KCND3: variants seen among roughly 807,000 people sequenced by gnomAD.
KCND3 encodes A-type voltage-gated potassium channel KCND3.
In KCND3, 9 loss-of-function variants were observed where a neutral mutation model predicts 51.1. That is an observed-to-expected ratio of 0.18 (90% CI 0.11 to 0.31). The LOEUF (loss-of-function observed/expected upper bound fraction) is 0.31, where lower values mean the gene tolerates loss of function less well. Among genes scored for constraint, KCND3 ranks in the 10% least tolerant of loss-of-function variants. The pLI, the probability that KCND3 is intolerant of heterozygous loss-of-function variation, is 1.00. For missense variants in KCND3, 526 were observed against 903.8 expected, an observed-to-expected ratio of 0.58 and a Z score of 5.36; for synonymous variants, 349 against 368.0, an observed-to-expected ratio of 0.95 and a Z score of 0.59.
intron 2 of KCND3, among the ~76,000 whole-genome samples, chr1:111,971,826 A>G (rs1674345236): frequency 6.6e-6 from 1 of 152,076 alleles, no homozygotes. Flanking sequence ...ACCTCTACTC[A>G]TCCAGTCTTA....
intron 2 of KCND3, among the ~76,000 whole-genome samples, chr1:111,936,232 C>T (rs1672213945): frequency 6.6e-6 from 1 of 152,148 alleles, no homozygotes; most frequent in African/African-American, 2.4e-5. Flanking sequence ...AGGCTGGTCC[C>T]AGCTCAGACA....
intron 2 of KCND3, among the ~76,000 whole-genome samples, chr1:111,931,805 C>T (rs953783768): frequency 2.6e-5 from 4 of 152,346 alleles, no homozygotes; most frequent in African/African-American, 9.6e-5. Context: ...GAGATAATAG[C>T]TCCCTTTTCC....
chr1:111,924,899 C>T (rs551664062), intron 2 of KCND3, among the ~76,000 whole-genome samples: 33 of 152,370 alleles, frequency 2.2e-4, no homozygotes, highest in African/African-American at 7.9e-4. Flanking sequence ...GCATGTGTAT[C>T]CACTCTGTAA....
chr1:111,916,105 C>A (rs1001374419), intron 2 of KCND3, among the ~76,000 whole-genome samples: 1 of 152,144 alleles, frequency 6.6e-6, no homozygotes, highest in Non-Finnish European at 1.5e-5. Flanking sequence ...AACACTCGAA[C>A]CAACAACAGC....
chr1:111,820,076 G>A (rs1666278740), intron 2 of KCND3, among the ~76,000 whole-genome samples: 1 of 152,166 alleles, frequency 6.6e-6, no homozygotes, highest in Admixed American at 6.5e-5. Flanking sequence ...TGAATTAAAT[G>A]CCAACTCCTC....
intron 2 of KCND3, among the ~76,000 whole-genome samples, chr1:111,866,623 C>T (rs943678859): frequency 1.3e-5 from 2 of 150,668 alleles, no homozygotes; most frequent in South Asian, 2.1e-4. Flanking sequence ...CACACACACA[C>T]GGCTGAGAAG....
intron 2 of KCND3, among the ~76,000 whole-genome samples, chr1:111,803,382 A>G (rs779275034): frequency 1.3e-5 from 2 of 152,100 alleles, no homozygotes; most frequent in African/African-American, 2.4e-5. Context: ...TCAGATCCCC[A>G]TGTCTTAGCT....
In KCND3 at chr1:111,817,184, C is replaced by T. The variant is rs1301068022; in HGVS notation, c.1107-30078G>A. ...GAAAAATATCTAATTTCACTAGTTA[C>T]TAAAAAAAAAAAAAATGAAGTGGGG... On this transcript the variant is annotated intron_variant, in intron 2 of 7. Transcript: ENST00000302127. 1.7e-4 allele frequency among the ~76,000 whole-genome samples: 13 copies of T among 78,650 alleles called. No individual in the cohort carries two copies. In the South Asian group the frequency reaches 2.4e-3, roughly 15 times the overall value. The allele number at this position is 78,650 out of a possible 152,430, so 51.6% of individuals were successfully genotyped here.
At chr1:111,870,542 GGGATCCAA>G (rs777756676) in intron 2 of KCND3, among the ~76,000 whole-genome samples, 20 of 152,190 alleles carry the variant, frequency 1.3e-4, no homozygotes, top group African/African-American at 2.4e-5. Flanking sequence ...AAGAGCATCA[GGGATCCAA>G]GGAGGGCACT....
chr1:111,967,323 T>A (rs577408223), intron 2 of KCND3, among the ~76,000 whole-genome samples: 7 of 152,128 alleles, frequency 4.6e-5, no homozygotes, highest in Non-Finnish European at 8.8e-5. Flanking sequence ...GGGGCTTAAG[T>A]GTCCGTCTGA....
intron 2 of KCND3, among the ~76,000 whole-genome samples, chr1:111,867,811 A>G (rs639622): frequency 0.15 from 23,082 of 152,212 alleles, 2,226 homozygotes; most frequent in East Asian, 0.4. Context: ...TTCTGAGCAC[A>G]GTGAAAATCC....
At chr1:111,943,665 G>A (rs1256317557) in intron 2 of KCND3, among the ~76,000 whole-genome samples, 2 of 152,172 alleles carry the variant, frequency 1.3e-5, no homozygotes, top group Non-Finnish European at 2.9e-5. Flanking sequence ...GGACAGTCCC[G>A]AGCCTAGATG....
chr1:111,792,711 G>T (rs1664889938), intron 2 of KCND3, among the ~76,000 whole-genome samples: 1 of 152,044 alleles, frequency 6.6e-6, no homozygotes, highest in African/African-American at 2.4e-5. Flanking sequence ...GGGTTGTTGT[G>T]AGGGATTGCA....
At chr1:111,865,506 G>A (rs1473079928) in intron 2 of KCND3, among the ~76,000 whole-genome samples, 1 of 152,212 alleles carries the variant, frequency 6.6e-6, no homozygotes, top group Admixed American at 6.5e-5. Context: ...TGGCCCGTAT[G>A]TGCTAACAGG....
chr1:111,780,401 G>A lies in KCND3; in HGVS notation c.1372-87C>T. The A allele has an allele frequency of 7.8e-7, 1 of 1,274,838 alleles. No homozygotes were observed. Among genetic ancestry groups the A allele is most frequent in the Non-Finnish European group, 1.1e-6 (1 of 896,166 alleles). The allele number at this position is 1,274,838 out of a possible 1,614,324, so 79.0% of individuals were successfully genotyped here. On this transcript the variant is annotated intron_variant, in intron 4 of 7. Coordinates refer to ENST00000302127, the MANE Select transcript of KCND3 (RefSeq NM_001378969.1). The surrounding 1 kb of genome is among the most constrained non-coding windows in gnomAD (Gnocchi z 4.2). ...TCATTTCTCCACTAAAGGTCAAAGG[G>A]CAATAGAATAATCAAATTTTTTTTT...
chr1:111,829,247 G>C (rs1395419491), intron 2 of KCND3, among the ~76,000 whole-genome samples: 1 of 152,210 alleles, frequency 6.6e-6, no homozygotes, highest in Non-Finnish European at 1.5e-5. Flanking sequence ...GGGGATGCTA[G>C]AGCAGGTCTT....
At chr1:111,971,917 T>C (rs903056520) in intron 2 of KCND3, among the ~76,000 whole-genome samples, 6 of 152,240 alleles carry the variant, frequency 3.9e-5, no homozygotes, top group Non-Finnish European at 8.8e-5. Context: ...TGCAACTGTC[T>C]TAGTCAAGCC....
chr1:111,987,198 C>A (rs1675330207), intron 1 of KCND3, among the ~76,000 whole-genome samples: 1 of 152,140 alleles, frequency 6.6e-6, no homozygotes, highest in African/African-American at 2.4e-5. Context: ...CCTGCCCCTG[C>A]CAAGCTGAGT....
intron 2 of KCND3, among the ~76,000 whole-genome samples, chr1:111,799,574 C>A (rs375745333): frequency 1.4e-4 from 21 of 152,308 alleles, no homozygotes; most frequent in African/African-American, 5.1e-4. Context: ...CCAAGAAGTT[C>A]TTGTACCTGA....
Sources: allele counts gnomAD v4.1 joint callset (sites outside exome capture counted in the v4.1 genomes callset), GRCh38; gene constraint gnomAD v4.1.1; non-coding constraint Gnocchi (gnomAD v3.1); transcripts MANE v1.5; gene names NCBI Gene and HGNC (gene_info 2026-07-23, HGNC 2026-07-21).